SMG5: variants seen among roughly 807,000 people sequenced by gnomAD.
SMG5 encodes the protein nonsense-mediated mRNA decay factor SMG5.
SMG5 carries 53 observed loss-of-function variants against 122.9 expected under a neutral mutation model. The observed-to-expected ratio is 0.43, with a 90% confidence interval of 0.35 to 0.54. The LOEUF is 0.54. SMG5 is among the 20% of genes least tolerant of loss of function. The pLI, the probability that SMG5 is intolerant of heterozygous loss-of-function variation, is 0.01. For missense variants in SMG5, 1,153 were observed against 1,285.6 expected (o/e 0.90, Z 1.58); for synonymous variants, 477 against 490.2 (o/e 0.97, Z 0.35).
chr1:156,265,377 C>T (rs1476466783), intron 12 of SMG5, among the ~76,000 whole-genome samples: 1 of 152,176 alleles, frequency 6.6e-6, no homozygotes, highest in East Asian at 1.9e-4. Flanking sequence ...TAAATGGGTA[C>T]TCTGTTTGCA....
At chr1:156,287,882 T>C in the SMG5 span, among the ~76,000 whole-genome samples, 1 of 151,952 alleles carries the variant, frequency 6.6e-6, no homozygotes, top group Non-Finnish European at 1.5e-5. Context: ...CCTCCCAAAG[T>C]ACTGGGATTA....
At chr1:156,272,573 CTCT>C (rs1481121977) in intron 6 of SMG5, among the ~76,000 whole-genome samples, 175 bp from the exon 7 acceptor site, 9 of 151,570 alleles carry the variant, frequency 5.9e-5, no homozygotes, top group African/African-American at 1.2e-4. Context: ...GATTACTGAC[CTCT>C]TCTTTTTTTT....
chr1:156,264,695 G>A (rs1348371463), intron 12 of SMG5, among the ~76,000 whole-genome samples: 1 of 152,146 alleles, frequency 6.6e-6, no homozygotes, highest in Admixed American at 6.5e-5. Flanking sequence ...AGCAAGGGAG[G>A]AAAAGCACTT....
At chr1:156,279,427 C>G (rs1413229747) in intron 1 of SMG5, among the ~76,000 whole-genome samples, 1 of 152,044 alleles carries the variant, frequency 6.6e-6, no homozygotes, top group Admixed American at 6.5e-5. Flanking sequence ...ATGGTAAGGC[C>G]GACTCTCCCA....
intron 1 of SMG5, among the ~76,000 whole-genome samples, chr1:156,279,686 G>T (rs916390427): frequency 1.3e-5 from 2 of 152,112 alleles, no homozygotes; most frequent in Admixed American, 1.3e-4. Flanking sequence ...ATTACATAAG[G>T]CCTTATTATC....
chr1:156,282,190 A>C (rs1662982060), intron 1 of SMG5, among the ~76,000 whole-genome samples: 1 of 152,136 alleles, frequency 6.6e-6, no homozygotes, highest in Non-Finnish European at 1.5e-5. Context: ...GATGGACCTG[A>C]ACCTAGCTCC....
At chr1:156,290,515 T>A in the SMG5 span, 1 of 142,260 alleles carries the variant, frequency 7.0e-6, no homozygotes, top group African/African-American at 2.7e-5. Context: ...CCAGCCTGGC[T>A]GACAGAGACC....
chr1:156,264,264 T>C (rs1662006253), intron 12 of SMG5, among the ~76,000 whole-genome samples: 1 of 35,240 alleles, frequency 2.8e-5, no homozygotes, highest in African/African-American at 1.2e-4. Flanking sequence ...CGAGACTCCG[T>C]CTCAAAAAAA....
intron 5 of SMG5, 77 bp from the exon 6 acceptor site, chr1:156,273,527 C>T (rs986062344): frequency 7.3e-7 from 1 of 1,366,712 alleles, no homozygotes; most frequent in South Asian, 1.2e-5. Context: ...TGGGAGTCCA[C>T]TCTGAGAGTG....
upstream of SMG5, chr1:156,283,118 C>T: frequency 3.0e-6 from 1 of 338,358 alleles, no homozygotes; most frequent in East Asian, 4.5e-5. Flanking sequence ...GTCATTTGGT[C>T]CATCCTTCTG....
At chr1:156,275,095 T>C (rs1259630535) in intron 4 of SMG5, among the ~76,000 whole-genome samples, 1 of 109,918 alleles carries the variant, frequency 9.1e-6, no homozygotes, top group African/African-American at 3.5e-5. Flanking sequence ...TATGGGAAAC[T>C]AATTTGCCCA....
intron 6 of SMG5, among the ~76,000 whole-genome samples, chr1:156,273,148 T>C (rs541157790): frequency 1.1e-4 from 17 of 152,342 alleles, no homozygotes; most frequent in South Asian, 4.1e-4. Flanking sequence ...TCTGCCTCAC[T>C]CCTTAGTTCA....
chr1:156,282,990 A>G, upstream of SMG5: 1 of 507,418 alleles, frequency 2.0e-6, no homozygotes, highest in Non-Finnish European at 3.5e-6. Flanking sequence ...CCTTGCGAAA[A>G]ACTTTATTGG....
intron 16 of SMG5, chr1:156,253,793 C>T: frequency 2.1e-6 from 1 of 466,050 alleles, no homozygotes; most frequent in Non-Finnish European, 4.0e-6. Context: ...CATCACCTGG[C>T]TGTGCCTCAG....
intron 16 of SMG5, 33 bp from the exon 17 acceptor site, chr1:156,253,541 G>C (rs746577139): frequency 1.2e-6 from 2 of 1,609,130 alleles, no homozygotes; most frequent in East Asian, 4.5e-5. Flanking sequence ...TAAGGAGTTG[G>C]GGTGTATTTT....
chr1:156,260,381 AG>A, intron 15 of SMG5, 69 bp downstream of exon 15: 1 of 1,542,116 alleles, frequency 6.5e-7, no homozygotes, highest in Non-Finnish European at 8.8e-7. Flanking sequence ...CTCCCTCCCC[AG>A]ATCTGAACCC....
In SMG5 at chr1:156,249,279, G is replaced by A. The variant is rs1661184295; in HGVS notation, c.*1308C>T. On this transcript the variant is annotated 3_prime_UTR_variant, in exon 22 of 22. Coordinates refer to ENST00000361813, the MANE Select transcript of SMG5 (RefSeq NM_015327.3). ...TTAGTCTCAGTCTCTGCCAGCAACT[G>A]GGAGTGGGGTGACTCCACTCACCCC... 1 of 181,838 alleles carries A rather than the reference G, an allele frequency of 5.5e-6. No homozygotes were observed. The highest frequency in any genetic ancestry group is 1.2e-4 in the South Asian group (1 of 8,580). The allele number at this position is 181,838 out of a possible 1,614,324, so 11.3% of individuals were successfully genotyped here.
At chr1:156,252,353 G>C (rs1572570781) in intron 19 of SMG5, 61 bp downstream of exon 19, 1 of 1,512,802 alleles carries the variant, frequency 6.6e-7, no homozygotes, top group Non-Finnish European at 9.2e-7. Context: ...GCTTTCATAA[G>C]CATGTGTTAT....
Position 156,266,233 on chromosome 1 carries a change from A to G in SMG5, c.1403T>C (p.Val468Ala). ...TTCACTCAGGTCACTGTCATCACCA[A>G]CTTTGGGTGGGTGGCGGCGACGGCG... ...CLRRRRHPPK[V>A]GDDSDLSEGF... The change falls in exon 12 of 22, where the codon GTT (valine) becomes GCT (alanine). Residue 468 changes from valine to alanine, a missense_variant. Transcript: ENST00000361813. 1 of 1,614,158 alleles carries G rather than the reference A, an allele frequency of 6.2e-7. No homozygotes were observed. The highest frequency in any genetic ancestry group is 8.5e-7 in the Non-Finnish European group (1 of 1,180,020).
Sources: gnomAD v4.1 joint callset for allele counts (sites outside exome capture counted in the v4.1 genomes callset) on GRCh38, gnomAD v4.1.1 for gene constraint, MANE v1.5 for transcripts, NCBI Gene and HGNC (gene_info 2026-07-23, HGNC 2026-07-21) for gene names.